The following NUCKS1 variants were observed in gnomAD, a reference collection of about 807,000 sequenced individuals.
NUCKS1 encodes nuclear casein kinase and cyclin dependent kinase substrate 1.
A neutral mutation model predicts 33.0 loss-of-function variants in NUCKS1; 2 were observed. The ratio of observed to expected loss-of-function variants is 0.06; its 90% CI spans 0.02 to 0.19. The LOEUF is 0.19. Ranked by LOEUF, NUCKS1 falls within the 10% of genes least tolerant of loss-of-function variation. The probability of loss-of-function intolerance (pLI) is 1.00; values close to 1 mark genes in which losing one functional copy is unlikely to be tolerated. For synonymous variants in NUCKS1, 106 were observed against 102.8 expected (o/e 1.03, Z -0.19); for missense variants, 201 against 293.6 (o/e 0.68, Z 2.31).
In NUCKS1 at chr1:205,749,968, C is replaced by A; in HGVS notation, c.6G>T (p.Ser2=). The change falls in exon 1 of 7, where the codon TCG becomes TCT. Residue 2 remains serine (S), a synonymous_variant. Transcript: ENST00000367142. The stretch of plus-strand genomic sequence containing the variant: ...GACTCCGCACTGACCTGACAGGCCG[C>A]GACATGTTCGCTGTCGAAACAGGAC... M[S]RPVRNRKVVD... 6.2e-7 allele frequency: 1 copy of A among 1,608,314 alleles called. No individual in the cohort carries two copies. Among genetic ancestry groups the A allele is most frequent in the Non-Finnish European group, 8.5e-7 (1 of 1,176,950 alleles).
At chr1:205,723,823 CCA>C in intron 4 of NUCKS1, 101 bp downstream of exon 4, 1 of 794,798 alleles carries the variant, frequency 1.3e-6, no homozygotes, top group Non-Finnish European at 2.0e-6. Context: ...CTTTGTAATC[CCA>C]GATTTGCAAC....
chr1:205,718,223 T>A lies in NUCKS1; in HGVS notation c.*57A>T. 1 of 595,674 alleles carries A rather than the reference T, an allele frequency of 1.7e-6. No homozygotes were observed. Among genetic ancestry groups the A allele is most frequent in the East Asian group, 2.3e-5 (1 of 42,728 alleles). 36.9% of individuals were successfully genotyped at this position (595,674 alleles called of 1,614,324 possible). ...TAGGTTCTTTTTTTTCCTCCCTCTT[T>A]TTTCTTTTTTTTTCTTTTTTTTTTT... On this transcript the variant is annotated 3_prime_UTR_variant, in exon 7 of 7. Coordinates refer to ENST00000367142, the MANE Select transcript of NUCKS1 (RefSeq NM_022731.5).
In NUCKS1 at chr1:205,714,247, C is replaced by T. The variant is rs1253141926; in HGVS notation, c.*4033G>A. On this transcript the variant is annotated 3_prime_UTR_variant, in exon 7 of 7. Transcript: ENST00000367142. ...GGGCATAAGCTGAGTACTATACCCC[C>T]ACACCCCATCAAAAAAGGAACAACA... 6.6e-6 allele frequency: 1 copy of T among 152,046 alleles called. No individual in the cohort carries two copies. Among genetic ancestry groups the T allele is most frequent in the Non-Finnish European group, 1.5e-5 (1 of 68,016 alleles). The allele number at this position is 152,046 out of a possible 1,614,324, so 9.4% of individuals were successfully genotyped here.
At chr1:205,724,698 C>A (rs539227731) in intron 3 of NUCKS1, among the ~76,000 whole-genome samples, 3 of 151,754 alleles carry the variant, frequency 2.0e-5, no homozygotes, top group African/African-American at 7.2e-5. Flanking sequence ...CATCCCCACC[C>A]CCCCCAAAAA....
intron 3 of NUCKS1, among the ~76,000 whole-genome samples, chr1:205,725,696 T>C (rs1208302643): frequency 1.3e-5 from 2 of 152,232 alleles, no homozygotes; most frequent in African/African-American, 2.4e-5. Flanking sequence ...TGAGAATAAA[T>C]ACACAAGGCA....
In NUCKS1 at chr1:205,727,717, C is replaced by A; in HGVS notation, c.156G>T (p.Lys52Asn). The A allele has an allele frequency of 1.2e-6, 2 of 1,612,778 alleles. No homozygotes were observed. The highest frequency in any genetic ancestry group is 1.7e-6 in the Non-Finnish European group (2 of 1,179,002). ...REAKNKRRSG[K>N]NSQEDSEDSE... ...CCTCTTACCTATCTTCCTGTGAATT[C>A]TTTCCAGATCGCCTCTTATTTTTAG... Residue 52 changes from lysine to asparagine, a missense_variant, in exon 3 of 7, where the codon AAG becomes AAT. By Grantham distance (94) the Lys-to-Asn change is moderately conservative. Coordinates refer to ENST00000367142, the MANE Select transcript of NUCKS1 (RefSeq NM_022731.5).
At chr1:205,746,019 G>A (rs1210456076) in intron 1 of NUCKS1, among the ~76,000 whole-genome samples, 1 of 152,158 alleles carries the variant, frequency 6.6e-6, no homozygotes, top group Non-Finnish European at 1.5e-5. Context: ...TTTCCGGCCG[G>A]GCGCGGTAGT....
At chr1:205,728,071 C>T (rs1653821347) in intron 2 of NUCKS1, among the ~76,000 whole-genome samples, 1 of 151,980 alleles carries the variant, frequency 6.6e-6, no homozygotes, top group Non-Finnish European at 1.5e-5. Context: ...TTATACCCTC[C>T]CCTTTTGATT....
intron 1 of NUCKS1, among the ~76,000 whole-genome samples, chr1:205,742,421 T>C (rs555869769): frequency 6.2e-4 from 95 of 152,318 alleles, no homozygotes; most frequent in African/African-American, 2.2e-3. Flanking sequence ...GCAATATAAC[T>C]GTATAACGAT....
At chr1:205,745,064 G>A (rs962986604) in intron 1 of NUCKS1, among the ~76,000 whole-genome samples, 2 of 152,106 alleles carry the variant, frequency 1.3e-5, no homozygotes, top group African/African-American at 4.8e-5. Flanking sequence ...AACCACATAT[G>A]GCCCCAATGG....
chr1:205,720,517 C>T lies in NUCKS1; in HGVS notation c.366G>A (p.Glu122=). ...GSEEEQEEED[E]APFQEKDSGS... ...TTCACATACTCTCCTGGAATGGTGC[C>T]TCATCCTCCTCTTCTTGTTCTTCCT... The change falls in exon 5 of 7, where the codon GAG becomes GAA. Residue 122 remains glutamate, a synonymous_variant. Transcript: ENST00000367142. The T allele has an allele frequency of 6.2e-7, 1 of 1,613,898 alleles. No homozygotes were observed. Among genetic ancestry groups the T allele is most frequent in the Non-Finnish European group, 8.5e-7 (1 of 1,179,972 alleles).
intron 4 of NUCKS1, 58 bp downstream of exon 4, chr1:205,723,868 T>C: frequency 8.1e-7 from 1 of 1,227,170 alleles, no homozygotes. Context: ...TATTAAAACA[T>C]CTAATAAAAT....
intron 1 of NUCKS1, among the ~76,000 whole-genome samples, chr1:205,743,750 C>A (rs1448331429): frequency 6.6e-6 from 1 of 152,172 alleles, no homozygotes; most frequent in African/African-American, 2.4e-5. Flanking sequence ...TGTAACACAA[C>A]ATTATTAAAA....
chr1:205,731,148 T>C (rs533315638), intron 1 of NUCKS1: 6 of 152,372 alleles, frequency 3.9e-5, no homozygotes, highest in Non-Finnish European at 5.9e-5. Context: ...CACAGATTTA[T>C]GTACATCTAT....
At chr1:205,732,020 C>T (rs544778632) in intron 1 of NUCKS1, among the ~76,000 whole-genome samples, 1 of 152,164 alleles carries the variant, frequency 6.6e-6, no homozygotes, top group South Asian at 2.1e-4. Flanking sequence ...GGTCAGACTG[C>T]AAACACTGGT....
intron 1 of NUCKS1, among the ~76,000 whole-genome samples, chr1:205,734,712 G>A (rs1299699457): frequency 1.3e-5 from 2 of 152,026 alleles, no homozygotes; most frequent in Non-Finnish European, 2.9e-5. Context: ...TGGCCAACAT[G>A]GTGAAACCCC....
At chr1:205,725,587 T>G (rs1653746027) in intron 3 of NUCKS1, among the ~76,000 whole-genome samples, 1 of 152,198 alleles carries the variant, frequency 6.6e-6, no homozygotes, top group African/African-American at 2.4e-5. Context: ...TCCAGCTCTT[T>G]TATCGAGTTT....
chr1:205,718,859 GAATT>G (rs1358945783), intron 6 of NUCKS1, among the ~76,000 whole-genome samples: 1 of 152,178 alleles, frequency 6.6e-6, no homozygotes. Context: ...GGAAGGAAAA[GAATT>G]AATCTGATCA....
chr1:205,742,834 A>AT (rs1011542710), intron 1 of NUCKS1, among the ~76,000 whole-genome samples: 5 of 152,180 alleles, frequency 3.3e-5, no homozygotes, highest in African/African-American at 1.2e-4. Flanking sequence ...CAAAGAAAAA[A>AT]AAATAAATAA....
Sources: allele counts gnomAD v4.1 joint callset (sites outside exome capture counted in the v4.1 genomes callset), GRCh38; gene constraint gnomAD v4.1.1; transcripts MANE v1.5; gene names NCBI Gene and HGNC (gene_info 2026-07-23, HGNC 2026-07-21).